Variants in SORL1 observed in about 807,000 individuals in gnomAD.
The protein encoded by SORL1 is sortilin-related receptor.
SORL1 carries 127 observed loss-of-function variants against 273.7 expected under a neutral mutation model. The observed-to-expected ratio is 0.46, with a 90% confidence interval of 0.40 to 0.54. The LOEUF (loss-of-function observed/expected upper bound fraction) is 0.54, where lower values mean the gene tolerates loss of function less well. SORL1 is among the 20% of genes least tolerant of loss of function. SORL1 has a pLI of 0.00. For synonymous variants in SORL1, 1,031 were observed against 1,067.4 expected, an observed-to-expected ratio of 0.97 and a Z score of 0.66; for missense variants, 2,494 against 2,846.1, an observed-to-expected ratio of 0.88 and a Z score of 2.81.
intron 21 of SORL1, among the ~76,000 whole-genome samples, chr11:121,561,134 T>G (rs1862665707): frequency 6.6e-6 from 1 of 152,252 alleles, no homozygotes; most frequent in Non-Finnish European, 1.5e-5. Context: ...TGTTACCACT[T>G]AGTCCAGAAG....
At chr11:121,526,559 A>G (rs994000654) in intron 11 of SORL1, among the ~76,000 whole-genome samples, 50 of 152,196 alleles carry the variant, frequency 3.3e-4, no homozygotes, top group African/African-American at 1.2e-3. Context: ...GAGAATCGAC[A>G]TGTTAATACT....
intron 45 of SORL1, among the ~76,000 whole-genome samples, chr11:121,622,560 G>A (rs556641129): frequency 3.9e-5 from 6 of 152,306 alleles, no homozygotes; most frequent in South Asian, 4.1e-4. Context: ...TGTGCTTCCC[G>A]CAGAAGCTGC....
At chr11:121,589,485 C>A in intron 29 of SORL1, 95 bp downstream of exon 29, 1 of 1,483,086 alleles carries the variant, frequency 6.7e-7, no homozygotes. Context: ...CCACTGCAGA[C>A]TTGGCCTTCC....
Position 121,631,129 on chromosome 11 carries a change from A to G in SORL1, c.*1566A>G, listed in dbSNP as rs1333047384. The G allele has an allele frequency of 1.3e-5, 2 of 152,606 alleles. No homozygotes were observed. Among genetic ancestry groups the G allele is most frequent in the African/African-American group, 2.4e-5 (1 of 41,472 alleles). The allele number at this position is 152,606 out of a possible 1,614,324, so 9.5% of individuals were successfully genotyped here. A position where few individuals can be genotyped will look rare whatever the true frequency, so the allele number is the denominator to read the frequency against. On this transcript the variant is annotated 3_prime_UTR_variant, in exon 48 of 48. Coordinates refer to ENST00000260197, the MANE Select transcript of SORL1 (RefSeq NM_003105.6). ...TGTTTAGTTTCTTTTAACCACAAGT[A>G]TCATTCTTGGGTGATAATATAGTTT...
chr11:121,566,192 T>C (rs1258037690), intron 21 of SORL1, among the ~76,000 whole-genome samples: 1 of 152,080 alleles, frequency 6.6e-6, no homozygotes, highest in African/African-American at 2.4e-5. Flanking sequence ...TAGGAGAGCC[T>C]CATGGGGACT....
chr11:121,556,409 G>A (rs574877138), intron 18 of SORL1, among the ~76,000 whole-genome samples: 1 of 152,294 alleles, frequency 6.6e-6, no homozygotes, highest in East Asian at 1.9e-4. Context: ...CCCTGGCTGA[G>A]AAGAGGATGA....
At chr11:121,593,979 C>T (rs1863254355) in intron 31 of SORL1, among the ~76,000 whole-genome samples, 1 of 152,192 alleles carries the variant, frequency 6.6e-6, no homozygotes, top group Non-Finnish European at 1.5e-5. Flanking sequence ...TGTTTTAATT[C>T]TGTCTTCAGA....
rs1053767134 is a variant in SORL1, at chr11:121,496,946, G to A, written c.836G>A (p.Arg279Gln). ...CCCTCTGGCTACTCCACTGTCTTCC[G>A]AAGTACAGATTTCTTCCAGTCCCGG... is the stretch of plus-strand genomic sequence containing the variant. ...HEPSGYSTVFRSTDFFQSREN... is the reference protein window; with the variant it reads ...HEPSGYSTVFQSTDFFQSREN... The change falls in exon 6 of 48, where the codon CGA becomes CAA. Residue 279 changes from arginine (R) to glutamine (Q), a missense_variant. Around this residue, in one of 3 missense-constraint regions of SORL1, gnomAD observed 710 missense variants for 882.5 expected, o/e 0.80. Transcript: ENST00000260197. 9.9e-6 allele frequency: 16 copies of A among 1,613,538 alleles called. No homozygotes were observed. The highest frequency in any genetic ancestry group is 5.4e-5 in the African/African-American group (4 of 74,732).
intron 11 of SORL1, among the ~76,000 whole-genome samples, chr11:121,529,286 G>A (rs1862168405): frequency 1.3e-5 from 2 of 151,964 alleles, no homozygotes; most frequent in African/African-American, 2.4e-5. Context: ...GTATGATCTC[G>A]GCTCACTGAG....
rs1471313337 is a variant in SORL1, at chr11:121,554,943, A to G, written c.2440-244A>G. The G allele has an allele frequency of 3.8e-6, 1 of 262,998 alleles. No individual in the cohort carries two copies. Among genetic ancestry groups the G allele is most frequent in the Non-Finnish European group, 7.3e-6 (1 of 137,526 alleles). The allele number at this position is 262,998 out of a possible 1,614,324, so 16.3% of individuals were successfully genotyped here. A position where few individuals can be genotyped will look rare whatever the true frequency, so the allele number is the denominator to read the frequency against. On this transcript the variant is annotated intron_variant, in intron 17 of 47. Transcript: ENST00000260197. The surrounding 1 kb of genome is among the most constrained non-coding windows in gnomAD (Gnocchi z 4.6). ...AATTTAGTAACCAGTGTTCATAATG[A>G]TAATGCAGAGTAATATATATGATTA... is the stretch of plus-strand genomic sequence containing the variant.
chr11:121,587,514 C>G (rs1481799039), intron 27 of SORL1, among the ~76,000 whole-genome samples: 1 of 152,220 alleles, frequency 6.6e-6, no homozygotes, highest in Non-Finnish European at 1.5e-5. Context: ...TTTCATTTAA[C>G]CTCCATTACC....
chr11:121,608,046 G>C, intron 37 of SORL1, 58 bp from the exon 38 acceptor site: 1 of 1,440,464 alleles, frequency 6.9e-7, no homozygotes. Flanking sequence ...TATTCTTACT[G>C]TATGGTGTAT....
intron 21 of SORL1, among the ~76,000 whole-genome samples, chr11:121,562,891 G>GGT: frequency 6.6e-6 from 1 of 152,188 alleles, no homozygotes; most frequent in East Asian, 1.9e-4. Flanking sequence ...TGCAGTTTCA[G>GGT]GTGTCAGCTA....
intron 25 of SORL1, among the ~76,000 whole-genome samples, chr11:121,578,146 C>G (rs551079774): frequency 6.6e-6 from 1 of 152,178 alleles, no homozygotes; most frequent in African/African-American, 2.4e-5. Context: ...AGTAAATTTG[C>G]TCTACAGCCT....
chr11:121,535,638 C>G (rs1468529628), intron 12 of SORL1, among the ~76,000 whole-genome samples: 1 of 149,872 alleles, frequency 6.7e-6, no homozygotes, highest in Non-Finnish European at 1.5e-5. Context: ...GTGGGGACAG[C>G]AATTGAAGCA....
Position 121,627,685 on chromosome 11 carries a change from G to A in SORL1, c.6495G>A (p.Leu2165=), listed in dbSNP as rs375856557. ...TCCTGTACACGAAGCACCGGAGGCT[G>A]CAGAGCAGCTTCACCGCCTTCGCCA... ...FAILYTKHRR[L]QSSFTAFANS... is the part of the protein sequence containing the mutation. Residue 2165 remains leucine (L), a synonymous_variant, in exon 47 of 48, where the codon CTG becomes CTA. Coordinates refer to ENST00000260197, the MANE Select transcript of SORL1 (RefSeq NM_003105.6). The surrounding 1 kb of genome is among the most constrained non-coding windows in gnomAD (Gnocchi z 4.9). 2.5e-6 allele frequency: 4 copies of A among 1,614,166 alleles called. No individual in the cohort carries two copies. The highest frequency in any genetic ancestry group is 3.4e-6 in the Non-Finnish European group (4 of 1,180,024).
intron 38 of SORL1, chr11:121,610,795 G>C: frequency 3.2e-6 from 1 of 311,300 alleles, no homozygotes; most frequent in Non-Finnish European, 6.0e-6. Context: ...CTGAAGCTGG[G>C]CTGTTTTGGG....
Position 121,619,839 on chromosome 11 carries a change from C to A in SORL1, c.5811C>A (p.His1937Gln), listed in dbSNP as rs767565605. ...MIPDSRLPPR[H>Q]LHVVHTGKTS... ...CGGACAGCAGGCTTCCACCCCGTCA[C>A]CTGCATGTGGTTCATACGGGCAAAA... The change falls in exon 43 of 48, where the codon CAC (histidine) becomes CAA (glutamine). Residue 1937 changes from histidine to glutamine, a missense_variant. By Grantham distance (24) the His-to-Gln change is conservative (BLOSUM62 0). Coordinates refer to ENST00000260197, the MANE Select transcript of SORL1 (RefSeq NM_003105.6). 3.7e-5 allele frequency: 60 copies of A among 1,613,956 alleles called. No homozygotes were observed. Among genetic ancestry groups the A allele is most frequent in the Non-Finnish European group, 4.7e-5 (56 of 1,179,914 alleles).
chr11:121,532,687 C>CT (rs35892410), intron 12 of SORL1, 135 bp downstream of exon 12: 49,054 of 516,060 alleles, frequency 0.095, 1 homozygote, highest in South Asian at 0.12. Flanking sequence ...ATGAGTTAAA[C>CT]TTTTTTTTTT....
Sources: gnomAD v4.1 joint callset for allele counts (sites outside exome capture counted in the v4.1 genomes callset) on GRCh38, gnomAD v4.1.1 for gene constraint, gnomAD v4.1.1 regional missense constraint, Gnocchi (gnomAD v3.1) non-coding constraint, MANE v1.5 for transcripts, NCBI Gene and HGNC (gene_info 2026-07-23, HGNC 2026-07-21) for gene names.